The following DLGAP1 variants were observed in gnomAD, a reference collection of about 807,000 sequenced individuals.
DLGAP1 encodes DLG associated protein 1, also known as disks large-associated protein 1.
DLGAP1 carries 11 observed loss-of-function variants against 90.8 expected under a neutral mutation model. The observed-to-expected ratio is 0.12, with a 90% CI of 0.08 to 0.20. The LOEUF (loss-of-function observed/expected upper bound fraction) is 0.20. DLGAP1 is among the 10% of genes least tolerant of loss of function. DLGAP1 has a pLI of 1.00. For synonymous variants in DLGAP1, 558 were observed against 540.7 expected, an observed-to-expected ratio of 1.03 and a Z score of -0.44; for missense variants, 1,050 against 1,333.8, an observed-to-expected ratio of 0.79 and a Z score of 3.31.
At chr18:4,019,213 C>T (rs376876300) in intron 2 of DLGAP1, among the ~76,000 whole-genome samples, 1 of 152,210 alleles carries the variant, frequency 6.6e-6, no homozygotes, top group African/African-American at 2.4e-5. Flanking sequence ...AAGACATTTT[C>T]CCGACATTAT....
chr18:3,619,276 T>G (rs904305974), intron 7 of DLGAP1, among the ~76,000 whole-genome samples: 2 of 152,140 alleles, frequency 1.3e-5, no homozygotes, highest in Non-Finnish European at 2.9e-5. Flanking sequence ...TCAGAAAAAT[T>G]CCAAAGGTAA....
intron 3 of DLGAP1, among the ~76,000 whole-genome samples, chr18:3,941,861 T>C (rs947716614): frequency 6.6e-6 from 1 of 152,160 alleles, no homozygotes; most frequent in African/African-American, 2.4e-5. Context: ...TGCAGGCTCA[T>C]GCCAGCATGC....
intron 8 of DLGAP1, among the ~76,000 whole-genome samples, chr18:3,579,007 G>A (rs529165377): frequency 3.3e-5 from 5 of 152,076 alleles, no homozygotes; most frequent in Non-Finnish European, 7.4e-5. Context: ...AATGGTATAC[G>A]TGGATTTAAG....
intron 1 of DLGAP1, among the ~76,000 whole-genome samples, chr18:4,178,087 C>A (rs1035983762): frequency 6.6e-6 from 1 of 152,066 alleles, no homozygotes; most frequent in Non-Finnish European, 1.5e-5. Flanking sequence ...CCACTCAAAT[C>A]TTTATTGAAT....
In DLGAP1 at chr18:4,002,030, C is replaced by T. The variant is rs556737398; in HGVS notation, c.-73+3086G>A. 1.0e-4 allele frequency among the ~76,000 whole-genome samples: 4 copies of T among 39,810 alleles called. No homozygotes were observed. In the East Asian group the frequency reaches 1.1e-3, roughly 11 times the overall value. 26.1% of individuals were successfully genotyped at this position (39,810 alleles called of 152,430 possible). ...ATCTCACCAGTAGTTTATTACAACCCACACATATTTGGTTTATAGGGATGT... is the reference window on the plus strand; with the variant it reads ...ATCTCACCAGTAGTTTATTACAACCTACACATATTTGGTTTATAGGGATGT... On this transcript the variant is annotated intron_variant, in intron 3 of 12. Coordinates refer to ENST00000315677, the MANE Select transcript of DLGAP1 (RefSeq NM_004746.4).
At chr18:4,141,000 G>A (rs914205005) in intron 2 of DLGAP1, among the ~76,000 whole-genome samples, 6 of 151,830 alleles carry the variant, frequency 4.0e-5, no homozygotes, top group African/African-American at 1.5e-4. Context: ...ACTACTAAAG[G>A]TCTTGAGGTA....
chr18:3,689,478 C>T (rs72857798), intron 7 of DLGAP1, among the ~76,000 whole-genome samples: 4 of 152,242 alleles, frequency 2.6e-5, no homozygotes, highest in Non-Finnish European at 4.4e-5. Context: ...ATCAGACAAA[C>T]GGTATCATTG....
At chr18:4,236,426 G>T (rs2078416164) in intron 1 of DLGAP1, among the ~76,000 whole-genome samples, 1 of 152,178 alleles carries the variant, frequency 6.6e-6, no homozygotes, top group Non-Finnish European at 1.5e-5. Context: ...GAAGCACGGT[G>T]TGGTAGAAGG....
intron 1 of DLGAP1, among the ~76,000 whole-genome samples, chr18:4,368,152 G>A (rs1053303984): frequency 6.6e-6 from 1 of 152,104 alleles, no homozygotes; most frequent in African/African-American, 2.4e-5. Flanking sequence ...ATCAGAGGCA[G>A]CGTCTTGGCT....
chr18:4,383,089 G>C lies in DLGAP1; in HGVS notation c.-267+71917C>G, dbSNP rs562692566. ...CAAATGACTGATCTGCCTGCTAACA[G>C]AGTTTAGCAAAGGAATCAGAGGTTA... On this transcript the variant is annotated intron_variant, in intron 1 of 12. Coordinates refer to ENST00000315677, the MANE Select transcript of DLGAP1 (RefSeq NM_004746.4). The surrounding 1 kb of genome is among the most constrained non-coding windows in gnomAD (Gnocchi z 4.0). Among the ~76,000 whole-genome samples, 1 of 152,214 alleles carries C rather than the reference G, an allele frequency of 6.6e-6. No homozygotes were observed. The highest frequency in any genetic ancestry group is 6.5e-5 in the Admixed American group (1 of 15,288).
At chr18:3,776,606 T>A (rs1351875405) in intron 5 of DLGAP1, among the ~76,000 whole-genome samples, 1 of 152,158 alleles carries the variant, frequency 6.6e-6, no homozygotes, top group Non-Finnish European at 1.5e-5. Flanking sequence ...ATGCTTTTTC[T>A]CCTCACCCCC....
Position 4,381,285 on chromosome 18 carries a change from T to A in DLGAP1, c.-267+73721A>T, listed in dbSNP as rs560811537. On this transcript the variant is annotated intron_variant, in intron 1 of 12. Coordinates refer to ENST00000315677, the MANE Select transcript of DLGAP1 (RefSeq NM_004746.4). ...TGATACATAGACAAATAGATAGACA[T>A]AAAAAATGAACAATCTGATAACTAT... 2.4e-3 allele frequency among the ~76,000 whole-genome samples: 369 copies of A among 152,204 alleles called. 2 individuals are homozygous for A. The highest frequency in any genetic ancestry group is 4.2e-3 in the Non-Finnish European group (288 of 67,984).
intron 4 of DLGAP1, among the ~76,000 whole-genome samples, chr18:3,847,337 T>C (rs2069075314): frequency 6.6e-6 from 1 of 152,156 alleles, no homozygotes; most frequent in Non-Finnish European, 1.5e-5. Flanking sequence ...ACCCCAAATG[T>C]GGGATGCTCT....
intron 1 of DLGAP1, among the ~76,000 whole-genome samples, chr18:4,372,165 G>A (rs1054025232): frequency 6.6e-6 from 1 of 152,204 alleles, no homozygotes; most frequent in Admixed American, 6.5e-5. Flanking sequence ...TTTATGTCTT[G>A]AGAAACTTTG....
chr18:3,862,875 GC>G (rs2070165458), intron 4 of DLGAP1, among the ~76,000 whole-genome samples: 1 of 152,258 alleles, frequency 6.6e-6, no homozygotes, highest in Non-Finnish European at 1.5e-5. Flanking sequence ...AAGCAGGGCG[GC>G]CCTCGCCCTC....
intron 4 of DLGAP1, among the ~76,000 whole-genome samples, chr18:3,821,454 A>G (rs914490655): frequency 2.6e-5 from 4 of 151,610 alleles, no homozygotes; most frequent in Non-Finnish European, 4.4e-5. Context: ...AAAAAGAAGA[A>G]GAGAATGGGG....
At chr18:4,163,607 T>C (rs1397729607) in intron 1 of DLGAP1, among the ~76,000 whole-genome samples, 1 of 152,238 alleles carries the variant, frequency 6.6e-6, no homozygotes, top group Non-Finnish European at 1.5e-5. Flanking sequence ...CACAATAAAA[T>C]GTCTGCTAAA....
chr18:3,644,599 G>A (rs1050699287), intron 7 of DLGAP1, among the ~76,000 whole-genome samples: 1 of 152,022 alleles, frequency 6.6e-6, no homozygotes, highest in African/African-American at 2.4e-5. Context: ...ATTTAGTAGA[G>A]ATGAGGTTGC....
chr18:4,207,278 GAAT>G (rs1317146553), intron 1 of DLGAP1, among the ~76,000 whole-genome samples: 3 of 152,116 alleles, frequency 2.0e-5, no homozygotes, highest in African/African-American at 7.2e-5. Flanking sequence ...GGGAGAAGAA[GAAT>G]GACAGCCAAG....
Sources: gnomAD v4.1 joint callset for allele counts (sites outside exome capture counted in the v4.1 genomes callset) on GRCh38, gnomAD v4.1.1 for gene constraint, Gnocchi (gnomAD v3.1) non-coding constraint, MANE v1.5 for transcripts, NCBI Gene and HGNC (gene_info 2026-07-23, HGNC 2026-07-21) for gene names.